The following EFL1 variants were observed in gnomAD, a reference collection of about 807,000 sequenced individuals.
EFL1 encodes the protein elongation factor like GTPase 1.
A neutral mutation model predicts 126.7 loss-of-function variants in EFL1; 76 were observed. The ratio of observed to expected loss-of-function variants is 0.60; its 90% CI spans 0.50 to 0.73. The LOEUF (loss-of-function observed/expected upper bound fraction) is 0.73. Among genes scored for constraint, EFL1 ranks in the 30% least tolerant of loss-of-function variants. The probability of loss-of-function intolerance (pLI) is 0.00; values close to 1 mark genes in which losing one functional copy is unlikely to be tolerated. For synonymous variants in EFL1, 410 were observed against 448.4 expected, an observed-to-expected ratio of 0.91 and a Z score of 1.08; for missense variants, 1,128 against 1,343.2, an observed-to-expected ratio of 0.84 and a Z score of 2.50.
chr15:82,175,682 C>A (rs1413633279), intron 15 of EFL1, among the ~76,000 whole-genome samples: 1 of 152,026 alleles, frequency 6.6e-6, no homozygotes, highest in East Asian at 1.9e-4. Context: ...GGCAAAACCC[C>A]GTCTCTACTA....
At position 82,230,932 on chromosome 15, in the gene EFL1, G is replaced by A. The variant is rs983247011; in HGVS notation, c.771C>T (p.Gly257=). The change falls in exon 8 of 20, where the codon GGC becomes GGT. Residue 257 remains glycine, a synonymous_variant. Transcript: ENST00000268206. ...TTTTCATAAGAACTTCCTTTTTGAT[G>A]CCAATTTTTTGACTGTAGATTCTGG... ...HFARIYSQKI[G]IKKEVLMKTL... 3 of 1,612,898 alleles carry A rather than the reference G, an allele frequency of 1.9e-6. No homozygotes were observed. The highest frequency in any genetic ancestry group is 2.2e-5 in the East Asian group (1 of 44,842).
chr15:82,164,117 G>T, intron 15 of EFL1, 133 bp from the exon 16 acceptor site: 3 of 1,111,388 alleles, frequency 2.7e-6, no homozygotes, highest in South Asian at 1.9e-5. Flanking sequence ...GAAATGAGGC[G>T]GACCTGCACT....
At chr15:82,215,213 C>T (rs1194526470) in intron 14 of EFL1, among the ~76,000 whole-genome samples, 1 of 152,118 alleles carries the variant, frequency 6.6e-6, no homozygotes, top group African/African-American at 2.4e-5. Flanking sequence ...ACTGTGCTAT[C>T]ATTTGAACAC....
rs57128885 is a variant in EFL1, at chr15:82,209,316, G to GACACACACACACAC, written c.1750+5387_1750+5400dup. On this transcript the variant is annotated intron_variant, in intron 15 of 19. Coordinates refer to ENST00000268206, the MANE Select transcript of EFL1 (RefSeq NM_024580.6). ...GACTAAGGATTCACACACAGACACA[G>GACACACACACACAC]ACACACACACACACACACACACACA... Among the ~76,000 whole-genome samples the GACACACACACACAC allele has an allele frequency of 7.3e-3, 1,075 of 146,284 alleles. 14 individuals are homozygous for GACACACACACACAC. The highest frequency in any genetic ancestry group is 0.028 in the Middle Eastern group (8 of 288).
intron 15 of EFL1, among the ~76,000 whole-genome samples, chr15:82,192,184 G>C (rs2074366468): frequency 1.3e-5 from 2 of 152,092 alleles, no homozygotes; most frequent in Non-Finnish European, 2.9e-5. Flanking sequence ...CAGATCATTT[G>C]AGGTCAGGAG....
chr15:82,220,102 A>T lies in EFL1; in HGVS notation c.1420T>A (p.Cys474Ser). Residue 474 changes from cysteine (C) to serine (S), a missense_variant, in exon 13 of 20, where the codon TGT becomes AGT. Physicochemically the swap from Cys to Ser is moderately radical, Grantham distance 112 (BLOSUM62 -1). This residue lies in a region of EFL1 where 120 missense variants were observed against 142.1 expected (regional missense o/e 0.84). Coordinates refer to ENST00000268206, the MANE Select transcript of EFL1 (RefSeq NM_024580.6). ...PTQDGSAIET[C>S]PKGEEPRGDE... ...CCTCTTGGCTCCTCTCCTTTTGGACATGTTTCAATGGCACTCCCATCTTGG... is the reference window on the plus strand; with the variant it reads ...CCTCTTGGCTCCTCTCCTTTTGGACTTGTTTCAATGGCACTCCCATCTTGG... The T allele has an allele frequency of 6.2e-7, 1 of 1,610,786 alleles. No homozygotes were observed. Among genetic ancestry groups the T allele is most frequent in the Non-Finnish European group, 8.5e-7 (1 of 1,179,018 alleles).
chr15:82,256,315 A>T (rs1459461528), intron 3 of EFL1, among the ~76,000 whole-genome samples: 1 of 152,176 alleles, frequency 6.6e-6, no homozygotes, highest in Non-Finnish European at 1.5e-5. Flanking sequence ...TTACGTTTTT[A>T]AATTACTGTA....
chr15:82,148,229 T>C (rs764085936), intron 18 of EFL1, among the ~76,000 whole-genome samples: 1 of 151,844 alleles, frequency 6.6e-6, no homozygotes, highest in Non-Finnish European at 1.5e-5. Context: ...AATATAAAAA[T>C]TAGCCAGGTG....
intron 15 of EFL1, among the ~76,000 whole-genome samples, chr15:82,181,169 C>A (rs1595965046): frequency 6.6e-6 from 1 of 152,126 alleles, no homozygotes; most frequent in African/African-American, 2.4e-5. Context: ...AGTCTATTAG[C>A]AAATTTCCCT....
chr15:82,246,345 A>T (rs1261525394), intron 4 of EFL1, among the ~76,000 whole-genome samples: 2 of 152,146 alleles, frequency 1.3e-5, no homozygotes, highest in African/African-American at 4.8e-5. Context: ...AGTAAAAAAA[A>T]GGTTGATGTT....
intron 7 of EFL1, among the ~76,000 whole-genome samples, chr15:82,234,940 T>C (rs866809878): frequency 5.9e-5 from 9 of 152,310 alleles, no homozygotes; most frequent in Non-Finnish European, 8.8e-5. Context: ...AGTCAGAAAC[T>C]GTTGCAGTTT....
chr15:82,207,112 A>G (rs2074532184), intron 15 of EFL1, among the ~76,000 whole-genome samples: 1 of 152,062 alleles, frequency 6.6e-6, no homozygotes, highest in South Asian at 2.1e-4. Context: ...AGGATCCAAA[A>G]TAAAACCCTC....
At chr15:82,239,384 C>A (rs2074908032) in intron 6 of EFL1, among the ~76,000 whole-genome samples, 1 of 152,176 alleles carries the variant, frequency 6.6e-6, no homozygotes, top group African/African-American at 2.4e-5. Flanking sequence ...GATCCACCCG[C>A]CTCGGCCTCC....
Position 82,130,705 on chromosome 15 carries a change from G to A in EFL1, c.3175-144C>T, listed in dbSNP as rs566229878. On this transcript the variant is annotated intron_variant, in intron 19 of 19. Transcript: ENST00000268206. ...CTAAGCTTGCTAGGAATGGTAATAA[G>A]TATGAAGAATCGGCAGGGTGTGGTG... is the stretch of plus-strand genomic sequence containing the variant. 2.9e-5 allele frequency: 26 copies of A among 886,080 alleles called. No individual in the cohort carries two copies. In the Middle Eastern group the frequency reaches 7.4e-4, roughly 25 times the overall value. 54.9% of individuals were successfully genotyped at this position (886,080 alleles called of 1,614,324 possible).
chr15:82,199,258 G>A (rs1252490690), intron 15 of EFL1, among the ~76,000 whole-genome samples: 2 of 152,132 alleles, frequency 1.3e-5, no homozygotes, highest in African/African-American at 4.8e-5. Flanking sequence ...AGGCCACCCA[G>A]GTATATTAGA....
Position 82,151,615 on chromosome 15 carries a change from C to G in EFL1, c.2839G>C (p.Glu947Gln), listed in dbSNP as rs1024438888. ...AFEKRTSQKG[E>Q]SPLTDCYGPF... is the part of the protein sequence containing the mutation. ...CCATAGCAGTCAGTGAGTGGAGATT[C>G]TCCTTTCTGTGATGTCCTCTTCTCA... Residue 947 changes from glutamate (E) to glutamine (Q), a missense_variant, in exon 18 of 20, where the codon GAA (glutamate) becomes CAA (glutamine). By Grantham distance (29) the Glu-to-Gln change is conservative. Around this residue, in one of 6 missense-constraint regions of EFL1, gnomAD observed 561 missense variants for 641.7 expected, o/e 0.87. Transcript: ENST00000268206. The G allele has an allele frequency of 1.9e-6, 3 of 1,614,018 alleles. No homozygotes were observed. The Admixed American group carries it at 5.0e-5, about 27-fold the overall frequency.
intron 19 of EFL1, among the ~76,000 whole-genome samples, chr15:82,137,902 T>C (rs1424681479): frequency 6.6e-6 from 1 of 152,222 alleles, no homozygotes; most frequent in Non-Finnish European, 1.5e-5. Flanking sequence ...TAATGTCTAC[T>C]TTTCCTTTAC....
chr15:82,149,535 T>C (rs1406215888), intron 18 of EFL1, among the ~76,000 whole-genome samples: 2 of 152,204 alleles, frequency 1.3e-5, no homozygotes, highest in Non-Finnish European at 2.9e-5. Flanking sequence ...TGTTCTCTAC[T>C]GGTTGGAGGG....
In EFL1 at chr15:82,229,026, A is replaced by T; in HGVS notation, c.932+8T>A. 6.2e-7 allele frequency: 1 copy of T among 1,605,468 alleles called. No individual in the cohort carries two copies. The highest frequency in any genetic ancestry group is 8.5e-7 in the Non-Finnish European group (1 of 1,175,670). Reference sequence around the variant, plus strand: ...AAGATGCCTAAAGGTAAACAATAAGAGTCTTACTTTTTCAAAACAGCATCA... The same window carrying T: ...AAGATGCCTAAAGGTAAACAATAAGTGTCTTACTTTTTCAAAACAGCATCA... On this transcript the variant is annotated splice_region_variant and intron_variant, in intron 9 of 19. Coordinates refer to ENST00000268206, the MANE Select transcript of EFL1 (RefSeq NM_024580.6).
Sources: allele counts gnomAD v4.1 joint callset (sites outside exome capture counted in the v4.1 genomes callset), GRCh38; gene constraint gnomAD v4.1.1; regional missense constraint gnomAD v4.1.1; transcripts MANE v1.5; gene names NCBI Gene and HGNC (gene_info 2026-07-23, HGNC 2026-07-21).